FREM2: variants seen among roughly 807,000 people sequenced by gnomAD.
FREM2 encodes FRAS1-related extracellular matrix protein 2.
In FREM2, 119 loss-of-function variants were observed where a neutral mutation model predicts 219.9. The observed-to-expected ratio is 0.54, with a 90% CI of 0.47 to 0.63. FREM2 has a LOEUF of 0.63. Among genes scored for constraint, FREM2 ranks in the 30% least tolerant of loss-of-function variants. The probability of loss-of-function intolerance (pLI) is 0.00; values close to 1 mark genes in which losing one functional copy is unlikely to be tolerated. For synonymous variants in FREM2, 1,562 were observed against 1,522.8 expected (o/e 1.03, Z -0.60); for missense variants, 4,030 against 3,993.6 (o/e 1.01, Z -0.25).
intron 2 of FREM2, among the ~76,000 whole-genome samples, chr13:38,754,691 CATTTT>C (rs919604051): frequency 4.0e-4 from 61 of 152,250 alleles, no homozygotes; most frequent in Admixed American, 1.2e-3. Context: ...CCTCTGCAGG[CATTTT>C]CAGAGTCGCC....
chr13:38,853,066 A>T (rs1003231610), intron 11 of FREM2, among the ~76,000 whole-genome samples: 1 of 151,900 alleles, frequency 6.6e-6, no homozygotes, highest in Admixed American at 6.6e-5. Flanking sequence ...GTTGGCTCAC[A>T]CCTGTAATCC....
At chr13:38,844,268 C>G (rs534948307) in intron 6 of FREM2, among the ~76,000 whole-genome samples, 5 of 152,194 alleles carry the variant, frequency 3.3e-5, no homozygotes, top group African/African-American at 1.2e-4. Flanking sequence ...TGCCATGCCA[C>G]CCCCGCCTCT....
chr13:38,836,202 T>C (rs991658534), intron 6 of FREM2, among the ~76,000 whole-genome samples: 2 of 152,222 alleles, frequency 1.3e-5, no homozygotes, highest in Non-Finnish European at 2.9e-5. Context: ...GAGATAATTA[T>C]GTGGTTTTTG....
Position 38,846,662 on chromosome 13 carries a change from C to T in FREM2, c.6109C>T (p.Leu2037=), listed in dbSNP as rs539893834. 1 of 1,613,704 alleles carries T rather than the reference C, an allele frequency of 6.2e-7. No individual in the cohort carries two copies. Among genetic ancestry groups the T allele is most frequent in the Admixed American group, 1.7e-5 (1 of 59,986 alleles). The change falls in exon 7 of 24, where the codon CTG becomes TTG. Residue 2037 remains leucine, a synonymous_variant. Transcript: ENST00000280481. ...EVQVWRTGTD[L]SKSSSVTVRS... ...GCAGGTGTGGAGAACGGGCACTGACCTGTCCAAGTCTTCTAGTGTCACAGT... is the reference window on the plus strand; with the variant it reads ...GCAGGTGTGGAGAACGGGCACTGACTTGTCCAAGTCTTCTAGTGTCACAGT...
At chr13:38,793,901 C>T (rs1194628998) in intron 6 of FREM2, among the ~76,000 whole-genome samples, 1 of 152,140 alleles carries the variant, frequency 6.6e-6, no homozygotes, top group East Asian at 1.9e-4. Context: ...AAGAGTGGTA[C>T]AGTTCACTGA....
chr13:38,868,984 T>C (rs1878065855), intron 16 of FREM2, among the ~76,000 whole-genome samples: 1 of 152,190 alleles, frequency 6.6e-6, no homozygotes, highest in Admixed American at 6.5e-5. Context: ...CCCAGGTCTG[T>C]TTGTCCTCAA....
intron 2 of FREM2, among the ~76,000 whole-genome samples, chr13:38,721,478 A>C (rs907966834): frequency 7.2e-5 from 11 of 152,082 alleles, no homozygotes; most frequent in Non-Finnish European, 8.8e-5. Context: ...AAGTAGCTGC[A>C]GTCAGTGAGT....
intron 4 of FREM2, among the ~76,000 whole-genome samples, chr13:38,781,940 C>G (rs969660016): frequency 1.3e-5 from 2 of 152,108 alleles, no homozygotes; most frequent in African/African-American, 4.8e-5. Context: ...CTCTGGAAAC[C>G]CTGAGGGAAA....
At position 38,691,376 on chromosome 13, in the gene FREM2, T is replaced by C. The variant is rs1199189491; in HGVS notation, c.4032T>C (p.Arg1344=). The part of the protein sequence containing the change: ...SEDKSLVYII[R]YGPGHGLLQR... ...ACAAATCTTTGGTTTATATTATTCG[T>C]TATGGGCCAGGACATGGCTTATTAC... Residue 1344 remains arginine (R), a synonymous_variant, in exon 1 of 24, where the codon CGT becomes CGC. Transcript: ENST00000280481. 2.4e-5 allele frequency: 38 copies of C among 1,613,934 alleles called. No individual in the cohort carries two copies. Among genetic ancestry groups the C allele is most frequent in the Non-Finnish European group, 3.2e-5 (38 of 1,179,928 alleles).
At chr13:38,773,077 G>A (rs1161008705) in intron 4 of FREM2, among the ~76,000 whole-genome samples, 3 of 152,092 alleles carry the variant, frequency 2.0e-5, no homozygotes, top group Non-Finnish European at 4.4e-5. Flanking sequence ...ACAATGCCAT[G>A]TATCCATATA....
At chr13:38,702,835 C>G (rs1360760269) in intron 2 of FREM2, among the ~76,000 whole-genome samples, 2 of 152,106 alleles carry the variant, frequency 1.3e-5, no homozygotes, top group Non-Finnish European at 2.9e-5. Context: ...ACTGGGGCGG[C>G]AGACATAATA....
intron 4 of FREM2, among the ~76,000 whole-genome samples, chr13:38,773,028 T>C (rs1051011609): frequency 1.5e-4 from 23 of 152,264 alleles, no homozygotes; most frequent in Non-Finnish European, 3.1e-4. Flanking sequence ...CAGACACATA[T>C]ACATGTATTG....
intron 2 of FREM2, among the ~76,000 whole-genome samples, chr13:38,746,166 C>T (rs1872475194): frequency 6.6e-6 from 1 of 152,266 alleles, no homozygotes; most frequent in Non-Finnish European, 1.5e-5. Context: ...ACCACTTATG[C>T]TAAGTAGGAA....
At chr13:38,854,223 G>A (rs1272859520) in intron 11 of FREM2, among the ~76,000 whole-genome samples, 1 of 151,316 alleles carries the variant, frequency 6.6e-6, no homozygotes, top group Non-Finnish European at 1.5e-5. Flanking sequence ...GAGAAAACTT[G>A]ACCACCGTCC....
chr13:38,875,584 A>G (rs17058720), intron 18 of FREM2, among the ~76,000 whole-genome samples: 3,023 of 152,316 alleles, frequency 0.02, 101 homozygotes, highest in African/African-American at 0.068. Flanking sequence ...ATCAGACTCC[A>G]TTCATAAATT....
intron 2 of FREM2, among the ~76,000 whole-genome samples, chr13:38,753,566 G>A (rs1242797583): frequency 6.6e-6 from 1 of 152,196 alleles, no homozygotes; most frequent in Non-Finnish European, 1.5e-5. Context: ...TTAGAATACA[G>A]TGTTATACTT....
chr13:38,824,642 T>C (rs891501149), intron 6 of FREM2, among the ~76,000 whole-genome samples: 1 of 151,926 alleles, frequency 6.6e-6, no homozygotes, highest in Admixed American at 6.6e-5. Flanking sequence ...GAAGCTGTCC[T>C]CTTGAGCTGA....
intron 2 of FREM2, among the ~76,000 whole-genome samples, chr13:38,719,656 C>A (rs1259920644): frequency 6.6e-6 from 1 of 152,182 alleles, no homozygotes; most frequent in African/African-American, 2.4e-5. Flanking sequence ...AGTTGATTAG[C>A]AAACTTAATT....
intron 3 of FREM2, among the ~76,000 whole-genome samples, chr13:38,766,826 T>A (rs1189092481): frequency 6.6e-6 from 1 of 152,242 alleles, no homozygotes; most frequent in African/African-American, 2.4e-5. Flanking sequence ...AAGCACTTTA[T>A]CTATCTCTTT....
Sources: gnomAD v4.1 joint callset for allele counts (sites outside exome capture counted in the v4.1 genomes callset) on GRCh38, gnomAD v4.1.1 for gene constraint, MANE v1.5 for transcripts, NCBI Gene and HGNC (gene_info 2026-07-23, HGNC 2026-07-21) for gene names.